The following LRMDA variants were observed in gnomAD, a reference collection of about 807,000 sequenced individuals.
LRMDA encodes the protein leucine-rich melanocyte differentiation-associated protein.
A neutral mutation model predicts 29.8 loss-of-function variants in LRMDA; 18 were observed. The ratio of observed to expected loss-of-function variants is 0.60; its 90% CI spans 0.42 to 0.90. LRMDA has a LOEUF of 0.90. Ranked by LOEUF, LRMDA falls within the 40% of genes least tolerant of loss-of-function variation. LRMDA has a pLI of 0.00. For missense variants in LRMDA, 273 were observed against 273.9 expected (o/e 1.00, Z 0.02); for synonymous variants, 125 against 109.4 (o/e 1.14, Z -0.89).
At chr10:76,166,348 T>C (rs1273501030) in intron 5 of LRMDA, among the ~76,000 whole-genome samples, 4 of 152,196 alleles carry the variant, frequency 2.6e-5, no homozygotes, top group Non-Finnish European at 5.9e-5. Flanking sequence ...CAGGGGTACA[T>C]GTGCAGGTTT....
chr10:76,038,357 T>C (rs1848286582), intron 3 of LRMDA, among the ~76,000 whole-genome samples: 1 of 152,228 alleles, frequency 6.6e-6, no homozygotes, highest in Non-Finnish European at 1.5e-5. Flanking sequence ...CTTTCCCTAT[T>C]CTGTGCCTCC....
intron 5 of LRMDA, among the ~76,000 whole-genome samples, chr10:76,100,564 T>C (rs781023760): frequency 3.9e-5 from 6 of 152,142 alleles, no homozygotes; most frequent in Non-Finnish European, 7.4e-5. Context: ...GGGTGGGTCT[T>C]GCTCATTGAT....
At chr10:75,690,012 G>A (rs1389970358) in intron 2 of LRMDA, among the ~76,000 whole-genome samples, 2 of 152,090 alleles carry the variant, frequency 1.3e-5, no homozygotes, top group Non-Finnish European at 2.9e-5. Context: ...CAACCTGCAT[G>A]CCCATGGATA....
chr10:75,727,117 T>C (rs568296698), intron 2 of LRMDA, among the ~76,000 whole-genome samples: 4 of 152,218 alleles, frequency 2.6e-5, no homozygotes, highest in Non-Finnish European at 5.9e-5. Context: ...TTGAATAATT[T>C]TGTGAGCAAT....
chr10:75,851,525 T>A (rs1844733216), intron 2 of LRMDA, among the ~76,000 whole-genome samples: 1 of 152,236 alleles, frequency 6.6e-6, no homozygotes, highest in African/African-American at 2.4e-5. Context: ...TTTTTTTTAT[T>A]GTGGAAGGCC....
At chr10:75,795,244 A>C (rs1433271858) in intron 2 of LRMDA, among the ~76,000 whole-genome samples, 4 of 152,094 alleles carry the variant, frequency 2.6e-5, no homozygotes, top group African/African-American at 9.7e-5. Context: ...AAATACAAAA[A>C]TTAGCTGGGT....
At chr10:76,428,783 G>T (rs1052088321) in intron 6 of LRMDA, among the ~76,000 whole-genome samples, 9 of 152,148 alleles carry the variant, frequency 5.9e-5, no homozygotes, top group African/African-American at 2.2e-4. Flanking sequence ...TCTGAACAAA[G>T]AAACCATATT....
intron 6 of LRMDA, chr10:76,403,132 T>C (rs1841866678): frequency 6.6e-6 from 1 of 151,642 alleles, no homozygotes; most frequent in Non-Finnish European, 1.5e-5. Flanking sequence ...TCCTAATCTC[T>C]CCTATAGTCT....
At chr10:75,876,527 AACAC>A (rs763454367) in intron 2 of LRMDA, among the ~76,000 whole-genome samples, 22 of 152,154 alleles carry the variant, frequency 1.4e-4, no homozygotes, top group African/African-American at 5.3e-4. Context: ...AACCCCGACA[AACAC>A]ACAGAGTACC....
intron 2 of LRMDA, among the ~76,000 whole-genome samples, chr10:75,653,451 G>A (rs1841625420): frequency 6.6e-6 from 1 of 152,128 alleles, no homozygotes; most frequent in African/African-American, 2.4e-5. Context: ...TGATAAAGGA[G>A]GACTCTAAAT....
At chr10:75,964,655 G>T (rs2132432368) in intron 2 of LRMDA, among the ~76,000 whole-genome samples, 1 of 152,322 alleles carries the variant, frequency 6.6e-6, no homozygotes. Context: ...GCACAGAGAA[G>T]GTTCTCAGTA....
At chr10:75,603,313 A>C (rs1346736016) in intron 2 of LRMDA, among the ~76,000 whole-genome samples, 1 of 152,126 alleles carries the variant, frequency 6.6e-6, no homozygotes, top group Non-Finnish European at 1.5e-5. Context: ...TTAAGAAGGT[A>C]CTTTTTAAAA....
chr10:75,955,069 T>G (rs1299910331), intron 2 of LRMDA, among the ~76,000 whole-genome samples: 1 of 152,242 alleles, frequency 6.6e-6, no homozygotes. Flanking sequence ...CATAAAATCA[T>G]GCTGTATTAA....
At chr10:76,428,893 A>T (rs1842158886) in intron 6 of LRMDA, among the ~76,000 whole-genome samples, 1 of 152,166 alleles carries the variant, frequency 6.6e-6, no homozygotes, top group African/African-American at 2.4e-5. Context: ...TGAGGTAAAG[A>T]AGTTTTACTC....
chr10:76,141,317 T>C (rs1218050848), intron 5 of LRMDA, among the ~76,000 whole-genome samples: 1 of 152,120 alleles, frequency 6.6e-6, no homozygotes, highest in Non-Finnish European at 1.5e-5. Context: ...ATAACCCTTT[T>C]TGGCAGCAAT....
intron 5 of LRMDA, among the ~76,000 whole-genome samples, chr10:76,072,727 G>C (rs751939490): frequency 1.3e-5 from 2 of 152,212 alleles, no homozygotes; most frequent in Non-Finnish European, 2.9e-5. Flanking sequence ...CTACTTTCCT[G>C]TTCCCAGAGA....
chr10:76,521,747 T>C (rs1843123409), intron 6 of LRMDA, among the ~76,000 whole-genome samples: 1 of 152,200 alleles, frequency 6.6e-6, no homozygotes, highest in Admixed American at 6.5e-5. Flanking sequence ...TATTTTTTCG[T>C]TATTATTTAA....
chr10:76,281,701 A>G (rs1255288279), intron 5 of LRMDA, among the ~76,000 whole-genome samples: 1 of 152,206 alleles, frequency 6.6e-6, no homozygotes, highest in African/African-American at 2.4e-5. Context: ...CCTAAGGGGA[A>G]GCTGTGTCAA....
At chr10:75,772,877 G>A (rs1332188550) in intron 2 of LRMDA, among the ~76,000 whole-genome samples, 3 of 125,156 alleles carry the variant, frequency 2.4e-5, no homozygotes, top group Admixed American at 8.6e-5. Context: ...GATGGGGGGG[G>A]GCAGATTAAT....
Sources: gnomAD v4.1 joint callset for allele counts (sites outside exome capture counted in the v4.1 genomes callset) on GRCh38, gnomAD v4.1.1 for gene constraint, MANE v1.5 for transcripts, NCBI Gene and HGNC (gene_info 2026-07-23, HGNC 2026-07-21) for gene names.